The following LPP variants were observed in gnomAD, a reference collection of about 807,000 sequenced individuals.
LPP encodes lipoma-preferred partner.
LPP carries 38 observed loss-of-function variants against 60.4 expected under a neutral mutation model. The observed-to-expected ratio is 0.63, with a 90% CI of 0.49 to 0.83. The LOEUF (loss-of-function observed/expected upper bound fraction) is 0.83, where lower values mean the gene tolerates loss of function less well. Among genes scored for constraint, LPP ranks in the 40% least tolerant of loss-of-function variants. The probability of loss-of-function intolerance (pLI) is 0.00; values close to 1 mark genes in which losing one functional copy is unlikely to be tolerated. For synonymous variants in LPP, 328 were observed against 290.8 expected (o/e 1.13, Z -1.30); for missense variants, 902 against 783.6 (o/e 1.15, Z -1.80).
At chr3:188,645,518 A>G (rs1850947392) in intron 7 of LPP, among the ~76,000 whole-genome samples, 1 of 152,150 alleles carries the variant, frequency 6.6e-6, no homozygotes, top group Non-Finnish European at 1.5e-5. Flanking sequence ...AGATGTTGTT[A>G]TGTGAGGTGT....
At position 188,887,996 on chromosome 3, in the gene LPP, GATTGTCTGATT is replaced by G; in HGVS notation, c.*13521_*13531del. The G allele has an allele frequency of 4.8e-6, 1 of 210,518 alleles. No homozygotes were observed. The highest frequency in any genetic ancestry group is 9.6e-6 in the Non-Finnish European group (1 of 103,774). The allele number at this position is 210,518 out of a possible 1,614,324, so 13.0% of individuals were successfully genotyped here. A position where few individuals can be genotyped will look rare whatever the true frequency, so the allele number is the denominator to read the frequency against. On this transcript the variant is annotated 3_prime_UTR_variant, in exon 12 of 12. Coordinates refer to ENST00000617246, the MANE Select transcript of LPP (RefSeq NM_001375462.1). ...GCAAATAGAATTAAACATGACACTT[GATTGTCTGATT>G]ATTTGGCATGTATAAAATTATCATG...
At chr3:188,655,397 A>G (rs1417934759) in intron 7 of LPP, among the ~76,000 whole-genome samples, 2 of 152,232 alleles carry the variant, frequency 1.3e-5, no homozygotes, top group Non-Finnish European at 2.9e-5. Flanking sequence ...ACTTCAAGGA[A>G]GACACACAGC....
At chr3:188,547,272 A>T (rs1440816068) in intron 6 of LPP, among the ~76,000 whole-genome samples, 1 of 152,152 alleles carries the variant, frequency 6.6e-6, no homozygotes, top group Non-Finnish European at 1.5e-5. Context: ...CACAATGATG[A>T]CTCAGTACCA....
At chr3:188,645,845 T>G (rs898161879) in intron 7 of LPP, among the ~76,000 whole-genome samples, 1 of 151,886 alleles carries the variant, frequency 6.6e-6, no homozygotes, top group Non-Finnish European at 1.5e-5. Flanking sequence ...CTTAAATAAT[T>G]TATATCAGAC....
rs1009456689 is a variant in LPP at position 188,239,480 on chromosome 3, A to G, written c.-67+13953A>G. Reference sequence around the variant, plus strand: ...ATCAGTCTTTTCTGTGCTCAATTTTATTTTTACTTTATATCACCTTTTCTT... The same window carrying G: ...ATCAGTCTTTTCTGTGCTCAATTTTGTTTTTACTTTATATCACCTTTTCTT... On this transcript the variant is annotated intron_variant, in intron 2 of 11. Transcript: ENST00000617246. Among the ~76,000 whole-genome samples, 7 of 152,044 alleles carry G rather than the reference A, an allele frequency of 4.6e-5. 1 individual carries two copies. Among genetic ancestry groups the G allele is most frequent in the Non-Finnish European group, 1.0e-4 (7 of 68,004 alleles).
At chr3:188,496,013 TG>T (rs1347629656) in intron 5 of LPP, among the ~76,000 whole-genome samples, 11 of 152,200 alleles carry the variant, frequency 7.2e-5, no homozygotes, top group Non-Finnish European at 1.5e-4. Flanking sequence ...TATTATAGCA[TG>T]GGGTGTTTAT....
intron 6 of LPP, among the ~76,000 whole-genome samples, chr3:188,564,904 A>G (rs1391070955): frequency 6.6e-6 from 1 of 151,874 alleles, no homozygotes; most frequent in African/African-American, 2.4e-5. Flanking sequence ...TCTTCTTCTG[A>G]ACACTAGGAT....
At chr3:188,190,928 C>T (rs1007699292) in intron 1 of LPP, among the ~76,000 whole-genome samples, 1 of 152,164 alleles carries the variant, frequency 6.6e-6, no homozygotes. Context: ...TGATGTGCCA[C>T]CATTTTTAAA....
At chr3:188,203,068 T>C (rs1188279212) in intron 1 of LPP, among the ~76,000 whole-genome samples, 1 of 144,516 alleles carries the variant, frequency 6.9e-6, no homozygotes, top group Non-Finnish European at 1.5e-5. Context: ...ATATTTATTA[T>C]AATTATATAA....
chr3:188,333,285 TC>T, intron 2 of LPP, among the ~76,000 whole-genome samples: 1 of 152,290 alleles, frequency 6.6e-6, no homozygotes, highest in East Asian at 1.9e-4. Context: ...AGGAATTTTT[TC>T]TCTATTGCAA....
At chr3:188,278,236 A>G (rs1223112005) in intron 2 of LPP, among the ~76,000 whole-genome samples, 1 of 152,210 alleles carries the variant, frequency 6.6e-6, no homozygotes, top group Admixed American at 6.5e-5. Context: ...AATGTGGCAC[A>G]ACTTGTAATG....
chr3:188,418,197 A>G (rs1353349700), intron 4 of LPP, among the ~76,000 whole-genome samples: 1 of 152,178 alleles, frequency 6.6e-6, no homozygotes, highest in Non-Finnish European at 1.5e-5. Context: ...TAGGCTAATA[A>G]ATGTAGAAGT....
intron 4 of LPP, among the ~76,000 whole-genome samples, chr3:188,469,850 C>G (rs1212759898): frequency 1.3e-5 from 2 of 152,042 alleles, no homozygotes; most frequent in Non-Finnish European, 2.9e-5. Flanking sequence ...GGGCAAGTCA[C>G]ATAAAGAATA....
At chr3:188,588,722 C>G (rs925180759) in intron 6 of LPP, among the ~76,000 whole-genome samples, 2 of 152,202 alleles carry the variant, frequency 1.3e-5, no homozygotes, top group Non-Finnish European at 2.9e-5. Context: ...TGTTTGTTCT[C>G]CATACACACC....
At chr3:188,767,876 T>G (rs941144506) in intron 9 of LPP, among the ~76,000 whole-genome samples, 2 of 152,026 alleles carry the variant, frequency 1.3e-5, no homozygotes, top group African/African-American at 2.4e-5. Context: ...AAAATCAACC[T>G]TAAAGAAATC....
Position 188,464,973 on chromosome 3 carries a change from A to G in LPP, c.194-19619A>G, listed in dbSNP as rs550768597. ...CCCAATTTGAAGCTGAAAAAGGCTT[A>G]CTATGGAAAAAAAAAAAAAAAAAAG... On this transcript the variant is annotated intron_variant, in intron 4 of 11. Coordinates refer to ENST00000617246, the MANE Select transcript of LPP (RefSeq NM_001375462.1). Among the ~76,000 whole-genome samples, 677 of 121,436 alleles carry G rather than the reference A, an allele frequency of 5.6e-3. 2 individuals carry two copies. The highest frequency in any genetic ancestry group is 9.1e-3 in the Non-Finnish European group (528 of 57,708). 79.7% of individuals were successfully genotyped at this position (121,436 alleles called of 152,430 possible).
intron 1 of LPP, among the ~76,000 whole-genome samples, chr3:188,190,441 GAGA>G (rs1170528094): frequency 6.6e-6 from 1 of 152,144 alleles, no homozygotes; most frequent in Non-Finnish European, 1.5e-5. Flanking sequence ...GTAAGTGAGG[GAGA>G]AGGAGTCAAT....
At chr3:188,178,599 G>A (rs1191820038) in intron 1 of LPP, 1 of 152,170 alleles carries the variant, frequency 6.6e-6, no homozygotes, top group Non-Finnish European at 1.5e-5. Flanking sequence ...TTAACTTCAG[G>A]TCACACTGTT....
intron 8 of LPP, among the ~76,000 whole-genome samples, chr3:188,732,303 T>C (rs1720901917): frequency 6.6e-6 from 1 of 152,190 alleles, no homozygotes; most frequent in Non-Finnish European, 1.5e-5. Context: ...AAAATTATTC[T>C]AAGATCTAGA....
Sources: gnomAD v4.1 joint callset for allele counts (sites outside exome capture counted in the v4.1 genomes callset) on GRCh38, gnomAD v4.1.1 for gene constraint, MANE v1.5 for transcripts, NCBI Gene and HGNC (gene_info 2026-07-23, HGNC 2026-07-21) for gene names.